DHH: variants seen among roughly 807,000 people sequenced by gnomAD.
The protein encoded by DHH is desert hedgehog signaling molecule, also known as desert hedgehog protein.
DHH carries 16 observed loss-of-function variants against 27.6 expected under a neutral mutation model. The observed-to-expected ratio is 0.58, with a 90% CI of 0.39 to 0.88. The LOEUF is 0.88. Ranked by LOEUF, DHH falls within the 40% of genes least tolerant of loss-of-function variation. The probability of loss-of-function intolerance (pLI) is 0.00; values close to 1 mark genes in which losing one functional copy is unlikely to be tolerated. For missense variants in DHH, 436 were observed against 563.1 expected (o/e 0.77, Z 2.28); for synonymous variants, 289 against 263.4 (o/e 1.10, Z -0.94).
In DHH at chr12:49,091,758, C is replaced by T. The variant is rs1939308471; in HGVS notation, c.304-369G>A. Among the ~76,000 whole-genome samples, 1 of 152,178 alleles carries T rather than the reference C, an allele frequency of 6.6e-6. No homozygotes were observed. The highest frequency in any genetic ancestry group is 1.5e-5 in the Non-Finnish European group (1 of 68,028). Reference sequence around the variant, plus strand: ...GGAGGGCCTGGTTGCTCCCGGAGAGCCCCTGTTTGAGCCTGGCCCCCGCCC... The same window carrying T: ...GGAGGGCCTGGTTGCTCCCGGAGAGTCCCTGTTTGAGCCTGGCCCCCGCCC... On this transcript the variant is annotated intron_variant, in intron 1 of 2. Coordinates refer to ENST00000649637, the MANE Select transcript of DHH (RefSeq NM_021044.4). The surrounding 1 kb of genome is among the most constrained non-coding windows in gnomAD (Gnocchi z 4.8).
chr12:49,091,288 G>A lies in DHH; in HGVS notation c.405C>T (p.His135=), dbSNP rs748745609. 27 of 1,614,094 alleles carry A rather than the reference G, an allele frequency of 1.7e-5. No individual in the cohort carries two copies. Among genetic ancestry groups the A allele is most frequent in the South Asian group, 4.4e-5 (4 of 91,086 alleles). The change falls in exon 2 of 3, where the codon CAC becomes CAT. Residue 135 remains histidine (H), a synonymous_variant. Transcript: ENST00000649637. The surrounding 1 kb of genome is among the most constrained non-coding windows in gnomAD (Gnocchi z 4.8). ...CTTCGTAGTGGAGTGAATCCTGAGC[G>A]TGGTGGCCGTCCTCGTCCCAGCCCT... ...VTEGWDEDGH[H]AQDSLHYEGR...
At chr12:49,093,713 C>T (rs565948083) in intron 1 of DHH, among the ~76,000 whole-genome samples, 86 of 152,314 alleles carry the variant, frequency 5.6e-4, no homozygotes, top group Non-Finnish European at 9.3e-4. Context: ...CCCAGCCCCT[C>T]CTCAGGTAGA....
rs1199320740 is a variant in DHH at position 49,087,260 on chromosome 12, G to T, written c.*2599C>A. Among the ~76,000 whole-genome samples the T allele has an allele frequency of 6.6e-6, 1 of 151,950 alleles. No individual in the cohort carries two copies. Among genetic ancestry groups the T allele is most frequent in the Non-Finnish European group, 1.5e-5 (1 of 67,998 alleles). On this transcript the variant is annotated 3_prime_UTR_variant, in exon 3 of 3. Transcript: ENST00000649637. ...AAGATAATAAAGGGAGGAAGTGAGG[G>T]TTGAGAGGTAAGCCTCAAGCCTAGA...
chr12:49,089,709 G>A lies in DHH; in HGVS notation c.*150C>T. ...CGGTATCACCTCCTCTCAGTACGAG[G>A]TTGCCCCTAAGCCAGGCATAGCCCC... On this transcript the variant is annotated 3_prime_UTR_variant, in exon 3 of 3. Coordinates refer to ENST00000649637, the MANE Select transcript of DHH (RefSeq NM_021044.4). 1 of 1,062,902 alleles carries A rather than the reference G, an allele frequency of 9.4e-7. No individual in the cohort carries two copies. The highest frequency in any genetic ancestry group is 1.3e-6 in the Non-Finnish European group (1 of 775,346). 65.8% of individuals were successfully genotyped at this position (1,062,902 alleles called of 1,614,324 possible).
chr12:49,093,528 G>C (rs893008732), intron 1 of DHH, among the ~76,000 whole-genome samples: 2 of 152,200 alleles, frequency 1.3e-5, no homozygotes, highest in Non-Finnish European at 2.9e-5. Context: ...GATAGGCAGA[G>C]CTTGGAAGAC....
In DHH at chr12:49,094,470, G is replaced by A. The variant is rs775788539; in HGVS notation, c.43C>T (p.Leu15Phe). ...TNLLPLCCLA[L>F]LALPAQSCGP... The stretch of plus-strand genomic sequence containing the variant: ...CAGCTCTGGGCTGGCAGCGCCAGAA[G>A]TGCCAAGCAGCACAGGGGCAGTAGA... The change falls in exon 1 of 3, where the codon CTT (leucine) becomes TTT (phenylalanine). Residue 15 changes from leucine to phenylalanine, a missense_variant. Coordinates refer to ENST00000649637, the MANE Select transcript of DHH (RefSeq NM_021044.4). 6.3e-6 allele frequency: 10 copies of A among 1,579,978 alleles called. No individual in the cohort carries two copies. The Admixed American group carries it at 1.3e-4, about 20-fold the overall frequency.
intron 1 of DHH, chr12:49,092,167 G>C (rs576038356): frequency 1.3e-5 from 2 of 152,506 alleles, no homozygotes; most frequent in African/African-American, 4.8e-5. Flanking sequence ...TCCCTGCTCC[G>C]TCCGGGTAGG....
At chr12:49,092,207 A>T (rs1939316314) in intron 1 of DHH, 1 of 152,506 alleles carries the variant, frequency 6.6e-6, no homozygotes, top group African/African-American at 2.4e-5. Flanking sequence ...CAGTCTTCCC[A>T]GTTCCAGCTA....
In DHH at chr12:49,089,936, C is replaced by G; in HGVS notation, c.1114G>C (p.Gly372Arg). ...ATGCCAGTCGGCTGGACGGCCCCGC[C>G]GGGGAGCAGCGCCCCTAGCGCGTGC... ...LLHALGALLPGGAVQPTGMHW... is the reference protein window; with the variant it reads ...LLHALGALLPRGAVQPTGMHW... Residue 372 changes from glycine to arginine, a missense_variant, in exon 3 of 3, where the codon GGC becomes CGC. Physicochemically the swap from Gly to Arg is moderately radical, Grantham distance 125. Transcript: ENST00000649637. 1 of 1,583,312 alleles carries G rather than the reference C, an allele frequency of 6.3e-7. No homozygotes were observed.
In DHH at chr12:49,087,055, G is replaced by C. The variant is rs1939221884; in HGVS notation, c.*2804C>G. 6.6e-6 allele frequency among the ~76,000 whole-genome samples: 1 copy of C among 152,182 alleles called. No homozygotes were observed. The highest frequency in any genetic ancestry group is 1.5e-5 in the Non-Finnish European group (1 of 68,028). On this transcript the variant is annotated 3_prime_UTR_variant, in exon 3 of 3. Transcript: ENST00000649637. ...GTATCATTATCCCCAGATCTAGCTG[G>C]CTTCTAAGCCAAATCATCATCGCCT...
rs1939234360 is a variant in DHH at position 49,087,947 on chromosome 12, G to C, written c.*1912C>G. On this transcript the variant is annotated 3_prime_UTR_variant, in exon 3 of 3. Transcript: ENST00000649637. ...AAACAAAGGTGGCAACAGAGCCTCA[G>C]TGTGGGTTGAGGGCAGCAGTGGGTG... 6.6e-6 allele frequency among the ~76,000 whole-genome samples: 1 copy of C among 152,218 alleles called. No individual in the cohort carries two copies. The highest frequency in any genetic ancestry group is 6.5e-5 in the Admixed American group (1 of 15,282).
rs988562694 is a variant in DHH, at chr12:49,093,146, T to C, written c.303+1064A>G. On this transcript the variant is annotated intron_variant, in intron 1 of 2. Transcript: ENST00000649637. ...CCACTTTAAATTGTGAGAGTTTAAATTGCTTTTCCTCCTGGGGGAAGTCCA... is the reference window on the plus strand; with the variant it reads ...CCACTTTAAATTGTGAGAGTTTAAACTGCTTTTCCTCCTGGGGGAAGTCCA... 8 of 152,298 alleles carry C rather than the reference T, an allele frequency of 5.3e-5. No individual in the cohort carries two copies. The South Asian group carries it at 6.2e-4, about 12-fold the overall frequency. The allele number at this position is 152,298 out of a possible 1,614,324, so 9.4% of individuals were successfully genotyped here. A position where few individuals can be genotyped will look rare whatever the true frequency, so the allele number is the denominator to read the frequency against.
Position 49,094,264 on chromosome 12 carries a change from G to A in DHH, c.249C>T (p.Pro83=), listed in dbSNP as rs1939354775. Residue 83 remains proline, a synonymous_variant, in exon 1 of 3, where the codon CCC becomes CCT. Transcript: ENST00000649637. ...RFRDLVPNYN[P]DIIFKDEENS... ...TCTCCTCATCCTTGAAGATGATGTC[G>A]GGGTTGTAGTTGGGCACGAGGTCCC... 3 of 1,613,408 alleles carry A rather than the reference G, an allele frequency of 1.9e-6. No homozygotes were observed. The highest frequency in any genetic ancestry group is 1.3e-5 in the African/African-American group (1 of 74,908).
rs1939271364 is a variant in DHH at position 49,090,180 on chromosome 12, G to C, written c.870C>G (p.Phe290Leu). 6.5e-7 allele frequency: 1 copy of C among 1,546,036 alleles called. No homozygotes were observed. The highest frequency in any genetic ancestry group is 1.4e-5 in the African/African-American group (1 of 72,662). Residue 290 changes from phenylalanine (F) to leucine (L), a missense_variant, in exon 3 of 3, where the codon TTC becomes TTG. Coordinates refer to ENST00000649637, the MANE Select transcript of DHH (RefSeq NM_021044.4). The surrounding 1 kb of genome is among the most constrained non-coding windows in gnomAD (Gnocchi z 5.2). ...AGTCCCCAGCGCGTAGCCGGCGCGC[G>C]AACACCGGTGCAAAGTCGCCTGGCG... ...APAPGDFAPV[F>L]ARRLRAGDSV...
rs35343506 is a variant in DHH, at chr12:49,090,667, CTATGTATGTATGTATGTATGTATG to C, written c.566-207_566-184del. 2.1e-5 allele frequency among the ~76,000 whole-genome samples: 3 copies of C among 145,562 alleles called. No individual in the cohort carries two copies. Among genetic ancestry groups the C allele is most frequent in the African/African-American group, 5.1e-5 (2 of 39,438 alleles). On this transcript the variant is annotated intron_variant, in intron 2 of 2. Transcript: ENST00000649637. This position sits in a 1 kb window ranked among gnomAD's most constrained non-coding sequence, Gnocchi z 5.2. The stretch of plus-strand genomic sequence containing the variant: ...TTTCTTTTCCTTTTTCTTCTCTTTT[CTATGTATGTATGTATGTATGTATG>C]TATGTATGTATGTATGTATGTATTT...
chr12:49,091,237 A>G lies in DHH; in HGVS notation c.456T>C (p.Ser152=), dbSNP rs770379364. 10 of 1,614,128 alleles carry G rather than the reference A, an allele frequency of 6.2e-6. No homozygotes were observed. In the South Asian group the frequency reaches 1.1e-4, roughly 18 times the overall value. ...ACCCATACTTGTTGCGGTCGCGGTCAGACGTAGTGATGTCCAAAGCACGGC... is the reference window on the plus strand; with the variant it reads ...ACCCATACTTGTTGCGGTCGCGGTCGGACGTAGTGATGTCCAAAGCACGGC... ...YEGRALDITT[S]DRDRNKYGLL... The change falls in exon 2 of 3, where the codon TCT becomes TCC. Residue 152 remains serine (S), a synonymous_variant. Coordinates refer to ENST00000649637, the MANE Select transcript of DHH (RefSeq NM_021044.4). This position sits in a 1 kb window ranked among gnomAD's most constrained non-coding sequence, Gnocchi z 4.8.
intron 1 of DHH, 107 bp downstream of exon 1, chr12:49,094,103 A>G (rs1939352144): frequency 7.6e-7 from 1 of 1,316,662 alleles, no homozygotes; most frequent in Admixed American, 1.8e-5. Flanking sequence ...GGAAATCTCT[A>G]AGGCTAAACT....
At position 49,090,967 on chromosome 12, in the gene DHH, G is replaced by A. The variant is rs1939291864; in HGVS notation, c.565+161C>T. 6.6e-6 allele frequency among the ~76,000 whole-genome samples: 1 copy of A among 152,210 alleles called. No homozygotes were observed. The highest frequency in any genetic ancestry group is 1.5e-5 in the Non-Finnish European group (1 of 68,028). On this transcript the variant is annotated intron_variant, in intron 2 of 2. Transcript: ENST00000649637. This position sits in a 1 kb window ranked among gnomAD's most constrained non-coding sequence, Gnocchi z 5.2. ...TCCGCCCTCCTTGGCCTCCCAAAGT[G>A]CTGGGATTAGAGGCGTGAGGCACCG...
Position 49,086,906 on chromosome 12 carries a change from G to A in DHH, c.*2953C>T, listed in dbSNP as rs1032068643. Among the ~76,000 whole-genome samples the A allele has an allele frequency of 6.6e-6, 1 of 152,188 alleles. No individual in the cohort carries two copies. Among genetic ancestry groups the A allele is most frequent in the Non-Finnish European group, 1.5e-5 (1 of 68,036 alleles). On this transcript the variant is annotated 3_prime_UTR_variant, in exon 3 of 3. Transcript: ENST00000649637. ...TTGCACGACTGATGCTTTTAGTGGA[G>A]TGGTGAGGAAAGAAGTGATCGGAAG... is the stretch of plus-strand genomic sequence containing the variant.
Sources: allele counts gnomAD v4.1 joint callset (sites outside exome capture counted in the v4.1 genomes callset), GRCh38; gene constraint gnomAD v4.1.1; non-coding constraint Gnocchi (gnomAD v3.1); transcripts MANE v1.5; gene names NCBI Gene and HGNC (gene_info 2026-07-23, HGNC 2026-07-21).